Variants in SLC6A5 observed in about 807,000 individuals in gnomAD.
SLC6A5 encodes sodium- and chloride-dependent glycine transporter 2.
A neutral mutation model predicts 90.5 loss-of-function variants in SLC6A5; 58 were observed. The observed-to-expected ratio is 0.64, with a 90% CI of 0.52 to 0.80. SLC6A5 has a LOEUF of 0.80. SLC6A5 is among the 30% of genes least tolerant of loss of function. The pLI, the probability that SLC6A5 is intolerant of heterozygous loss-of-function variation, is 0.00. For missense variants in SLC6A5, 1,015 were observed against 1,017.6 expected, an observed-to-expected ratio of 1.00 and a Z score of 0.03; for synonymous variants, 427 against 401.4, an observed-to-expected ratio of 1.06 and a Z score of -0.76.
intron 5 of SLC6A5, 59 bp from the exon 6 acceptor site, chr11:20,614,620 C>A: frequency 6.5e-7 from 1 of 1,532,586 alleles, no homozygotes; most frequent in South Asian, 1.1e-5. Flanking sequence ...TGCAGAGAGA[C>A]AAATCTCTGT....
chr11:20,640,877 G>A (rs1478666920), intron 13 of SLC6A5, among the ~76,000 whole-genome samples: 1 of 152,030 alleles, frequency 6.6e-6, no homozygotes, highest in African/African-American at 2.4e-5. Flanking sequence ...TACCTTCCTA[G>A]CCAGAATTAA....
chr11:20,607,250 TTTCC>T, intron 4 of SLC6A5, 112 bp downstream of exon 4: 1 of 1,405,090 alleles, frequency 7.1e-7, no homozygotes, highest in Middle Eastern at 2.4e-4. Context: ...GAACTAACTC[TTTCC>T]TTCCTTTATT....
At chr11:20,630,633 T>C in intron 9 of SLC6A5, 58 bp from the exon 10 acceptor site, 5 of 1,604,100 alleles carry the variant, frequency 3.1e-6, no homozygotes, top group Non-Finnish European at 3.4e-6. Context: ...GTCCTTCCCC[T>C]TGTCCCTTTC....
intron 10 of SLC6A5, among the ~76,000 whole-genome samples, chr11:20,635,686 C>T (rs1418341099): frequency 6.6e-6 from 1 of 152,128 alleles, no homozygotes; most frequent in Non-Finnish European, 1.5e-5. Context: ...GAAATGATGT[C>T]ATTCTGGTCA....
chr11:20,646,935 G>A lies in SLC6A5; in HGVS notation c.2070+1G>A, dbSNP rs770660705. The A allele has an allele frequency of 2.6e-5, 42 of 1,602,652 alleles. No homozygotes were observed. Among genetic ancestry groups the A allele is most frequent in the East Asian group, 6.7e-5 (3 of 44,800 alleles). ...ATTTGTAACCCCAACCATTTTAACC[G>A]TAAGGATTTTGCATGTTTTCTTGTG... On this transcript the variant is annotated splice_donor_variant, in intron 14 of 15. Coordinates refer to ENST00000525748, the MANE Select transcript of SLC6A5 (RefSeq NM_004211.5). LOFTEE classifies it high-confidence loss of function.
rs1590187853 is a variant in SLC6A5 at position 20,658,695 on chromosome 11, G to A, written c.*3827G>A. ...AGCAGCCTGCAGCCAAAGAGAAAGT[G>A]TTTTCAGATTAGGTATTCATCACCT... is the stretch of plus-strand genomic sequence containing the variant. On this transcript the variant is annotated 3_prime_UTR_variant, in exon 16 of 16. Coordinates refer to ENST00000525748, the MANE Select transcript of SLC6A5 (RefSeq NM_004211.5). The A allele has an allele frequency of 6.6e-6, 1 of 152,172 alleles. No homozygotes were observed. Among genetic ancestry groups the A allele is most frequent in the African/African-American group, 2.4e-5 (1 of 41,428 alleles). 9.4% of individuals were successfully genotyped at this position (152,172 alleles called of 1,614,324 possible).
intron 1 of SLC6A5, among the ~76,000 whole-genome samples, chr11:20,600,335 G>GAAGAAGAA (rs1852435416): frequency 5.2e-4 from 46 of 87,950 alleles, no homozygotes; most frequent in East Asian, 3.7e-3. Context: ...AAGAAGAAGA[G>GAAGAAGAA]GAAGAAGAAG....
intron 1 of SLC6A5, among the ~76,000 whole-genome samples, chr11:20,600,239 C>A (rs1322301843): frequency 2.0e-5 from 3 of 151,214 alleles, no homozygotes; most frequent in Non-Finnish European, 2.9e-5. Flanking sequence ...TGGGAAAAAG[C>A]GAATAAAAAT....
Position 20,626,832 on chromosome 11 carries a change from C to G in SLC6A5, c.1385C>G (p.Thr462Arg), listed in dbSNP as rs774730423. ...ATCACACCCAAGTGGGAGAAACTCA[C>G]GGATGCCACGGTGGGCTTCTAATTT... Reference protein sequence around the residue: ...YFITPKWEKLTDATVWKDAAT... With the variant: ...YFITPKWEKLRDATVWKDAAT... The change falls in exon 8 of 16, where the codon ACG becomes AGG. Residue 462 changes from threonine to arginine, a missense_variant. Coordinates refer to ENST00000525748, the MANE Select transcript of SLC6A5 (RefSeq NM_004211.5). The G allele has an allele frequency of 6.2e-7, 1 of 1,613,838 alleles. No homozygotes were observed. Among genetic ancestry groups the G allele is most frequent in the Admixed American group, 1.7e-5 (1 of 60,024 alleles).
intron 5 of SLC6A5, among the ~76,000 whole-genome samples, chr11:20,609,888 T>C (rs972685632): frequency 6.6e-5 from 10 of 152,176 alleles, no homozygotes; most frequent in Admixed American, 6.5e-5. Context: ...CTGCAGGTTG[T>C]AAGAGAGGCT....
Position 20,599,791 on chromosome 11 carries a change from G to T in SLC6A5, c.3+116G>T, listed in dbSNP as rs527994245. On this transcript the variant is annotated intron_variant, in intron 1 of 15. Coordinates refer to ENST00000525748, the MANE Select transcript of SLC6A5 (RefSeq NM_004211.5). Reference sequence around the variant, plus strand: ...TGTGCATTGGGTGGGGGGAAAGGGGGCGACGAGGAGAACAATTCTCGCAGC... The same window carrying T: ...TGTGCATTGGGTGGGGGGAAAGGGGTCGACGAGGAGAACAATTCTCGCAGC... The T allele has an allele frequency of 3.7e-4, 441 of 1,191,760 alleles. 2 individuals are homozygous for T. In the African/African-American group the frequency reaches 5.8e-3, roughly 16 times the overall value. 73.8% of individuals were successfully genotyped at this position (1,191,760 alleles called of 1,614,324 possible).
intron 15 of SLC6A5, among the ~76,000 whole-genome samples, chr11:20,653,771 C>T (rs1284372528): frequency 6.6e-6 from 1 of 152,200 alleles, no homozygotes; most frequent in Non-Finnish European, 1.5e-5. Context: ...GCACATAAGC[C>T]TCCCCACCAA....
intron 3 of SLC6A5, among the ~76,000 whole-genome samples, chr11:20,605,367 C>T (rs1410171546): frequency 6.6e-6 from 1 of 152,210 alleles, no homozygotes; most frequent in Non-Finnish European, 1.5e-5. Context: ...CGGACAGGTG[C>T]TGCACCACCG....
chr11:20,653,803 C>T (rs936034355), intron 15 of SLC6A5, among the ~76,000 whole-genome samples: 2 of 152,202 alleles, frequency 1.3e-5, no homozygotes, highest in African/African-American at 4.8e-5. Context: ...ATCTCTTTCC[C>T]TCTGAATAGA....
rs1358019813 is a variant in SLC6A5 at position 20,647,031 on chromosome 11, T to C, written c.2070+97T>C. On this transcript the variant is annotated intron_variant, in intron 14 of 15. Coordinates refer to ENST00000525748, the MANE Select transcript of SLC6A5 (RefSeq NM_004211.5). ...TGCATGCCTGTTTACATTTGAACAG[T>C]GTGTGAGCCTGGGAGCTGGTAGGTT... The C allele has an allele frequency of 3.5e-6, 3 of 863,150 alleles. No individual in the cohort carries two copies. In the African/African-American group the frequency reaches 5.0e-5, roughly 14 times the overall value. The allele number at this position is 863,150 out of a possible 1,614,324, so 53.5% of individuals were successfully genotyped here.
rs1679222311 is a variant in SLC6A5 at position 20,657,825 on chromosome 11, G to A, written c.*2957G>A. 1 of 152,184 alleles carries A rather than the reference G, an allele frequency of 6.6e-6. No homozygotes were observed. The highest frequency in any genetic ancestry group is 6.5e-5 in the Admixed American group (1 of 15,284). The allele number at this position is 152,184 out of a possible 1,614,324, so 9.4% of individuals were successfully genotyped here. A position where few individuals can be genotyped will look rare whatever the true frequency, so the allele number is the denominator to read the frequency against. On this transcript the variant is annotated 3_prime_UTR_variant, in exon 16 of 16. Coordinates refer to ENST00000525748, the MANE Select transcript of SLC6A5 (RefSeq NM_004211.5). The stretch of plus-strand genomic sequence containing the variant: ...AAATGTATATTTCTTAACAAGTGGT[G>A]TTGTGACTTCTTATGCAAATGTCTT...
chr11:20,608,460 ATC>A (rs1425137587), intron 5 of SLC6A5, among the ~76,000 whole-genome samples: 4 of 152,180 alleles, frequency 2.6e-5, no homozygotes, highest in Non-Finnish European at 5.9e-5. Context: ...CTCTCTCTGG[ATC>A]TGTTTTCCTT....
chr11:20,638,810 C>T (rs1274278791), intron 13 of SLC6A5, among the ~76,000 whole-genome samples: 1 of 152,172 alleles, frequency 6.6e-6, no homozygotes, highest in Non-Finnish European at 1.5e-5. Flanking sequence ...AGGACTTGGA[C>T]ACCCCTTTGG....
intron 5 of SLC6A5, among the ~76,000 whole-genome samples, chr11:20,608,956 CTCTGTG>C (rs1347320001): frequency 9.7e-5 from 11 of 113,384 alleles, no homozygotes; most frequent in Non-Finnish European, 1.4e-4. Context: ...CTCTCTCTCT[CTCTGTG>C]TGTGTGTGTG....
Sources: allele counts gnomAD v4.1 joint callset (sites outside exome capture counted in the v4.1 genomes callset), GRCh38; gene constraint gnomAD v4.1.1; transcripts MANE v1.5; gene names NCBI Gene and HGNC (gene_info 2026-07-23, HGNC 2026-07-21).